DGCR8: variants seen among roughly 807,000 people sequenced by gnomAD.
DGCR8 encodes the protein DGCR8 microprocessor complex subunit, also known as microprocessor complex subunit DGCR8.
Under a neutral mutation model 78.5 loss-of-function variants are expected in DGCR8, and 14 were observed. The ratio of observed to expected loss-of-function variants is 0.18; its 90% CI spans 0.12 to 0.28. DGCR8 has a LOEUF of 0.28. Among genes scored for constraint, DGCR8 ranks in the 10% least tolerant of loss-of-function variants. The pLI is 1.00. For missense variants in DGCR8, 702 were observed against 1,022.5 expected (o/e 0.69, Z 4.28); for synonymous variants, 399 against 402.4 (o/e 0.99, Z 0.10).
At position 20,087,072 on chromosome 22, in the gene DGCR8, C is replaced by A; in HGVS notation, c.721-90C>A. On this transcript the variant is annotated intron_variant, in intron 2 of 13. Transcript: ENST00000351989. The surrounding 1 kb of genome is among the most constrained non-coding windows in gnomAD (Gnocchi z 4.1). ...TAGGCCCCCTGAGAGCACCTCCTTT[C>A]TGTGTCTGTTCTCAGGAATGCTGTT... 1 of 1,495,432 alleles carries A rather than the reference C, an allele frequency of 6.7e-7. No homozygotes were observed. Among genetic ancestry groups the A allele is most frequent in the Non-Finnish European group, 9.0e-7 (1 of 1,109,934 alleles). The allele number at this position is 1,495,432 out of a possible 1,614,324, so 92.6% of individuals were successfully genotyped here.
At position 20,086,267 on chromosome 22, in the gene DGCR8, G is replaced by A; in HGVS notation, c.304G>A (p.Ala102Thr). The A allele has an allele frequency of 1.9e-6, 3 of 1,614,158 alleles. No individual in the cohort carries two copies. Among genetic ancestry groups the A allele is most frequent in the Admixed American group, 1.7e-5 (1 of 60,026 alleles). ...SGHSPRTARH[A>T]PAVRKFSPDL... ...CCACAGCCCGCGCACCGCCCGGCACGCACCTGCGGTCCGGAAGTTCTCCCC... is the reference window on the plus strand; with the variant it reads ...CCACAGCCCGCGCACCGCCCGGCACACACCTGCGGTCCGGAAGTTCTCCCC... Residue 102 changes from alanine (A) to threonine (T), a missense_variant, in exon 2 of 14, where the codon GCA (alanine) becomes ACA (threonine). Physicochemically the swap from Ala to Thr is moderately conservative, Grantham distance 58. Transcript: ENST00000351989. The surrounding 1 kb of genome is among the most constrained non-coding windows in gnomAD (Gnocchi z 6.4).
chr22:20,109,101 C>T (rs767931020), intron 13 of DGCR8, 98 bp downstream of exon 13: 3 of 686,314 alleles, frequency 4.4e-6, no homozygotes, highest in African/African-American at 1.8e-5. Flanking sequence ...TGAGCTGACA[C>T]CTTGGAAATG....
Position 20,089,922 on chromosome 22 carries a change from T to C in DGCR8, c.1024-54T>C. 6.3e-7 allele frequency: 1 copy of C among 1,586,888 alleles called. No individual in the cohort carries two copies. The highest frequency in any genetic ancestry group is 8.6e-7 in the Non-Finnish European group (1 of 1,164,626). Reference sequence around the variant, plus strand: ...CAGAGGCCGGTGAAAGGCATCAGAGTTTCAGACTCTCGGGTTGTCCTTGTA... The same window carrying C: ...CAGAGGCCGGTGAAAGGCATCAGAGCTTCAGACTCTCGGGTTGTCCTTGTA... On this transcript the variant is annotated intron_variant, in intron 4 of 13. Transcript: ENST00000351989. The surrounding 1 kb of genome is among the most constrained non-coding windows in gnomAD (Gnocchi z 4.9).
intron 3 of DGCR8, among the ~76,000 whole-genome samples, chr22:20,088,808 A>AT (rs906008618): frequency 4.8e-4 from 72 of 149,592 alleles, no homozygotes; most frequent in Middle Eastern, 3.4e-3. Context: ...CTGTTTTTTA[A>AT]TTTTTTTTTT....
chr22:20,088,638 C>A (rs571584351), intron 3 of DGCR8, among the ~76,000 whole-genome samples: 1 of 152,310 alleles, frequency 6.6e-6, no homozygotes, highest in African/African-American at 2.4e-5. Context: ...TGTGCATGCA[C>A]CCCTGACCTT....
chr22:20,109,142 G>C (rs977517076), intron 13 of DGCR8, 139 bp downstream of exon 13: 1 of 582,968 alleles, frequency 1.7e-6, no homozygotes, highest in Non-Finnish European at 3.1e-6. Flanking sequence ...TCAGATACAG[G>C]CTTTTCTTTG....
intron 1 of DGCR8, among the ~76,000 whole-genome samples, chr22:20,081,116 C>A (rs947845847): frequency 6.6e-6 from 1 of 152,222 alleles, no homozygotes; most frequent in Non-Finnish European, 1.5e-5. Flanking sequence ...GAATGGCCAG[C>A]CCGGGGTACC....
At position 20,086,635 on chromosome 22, in the gene DGCR8, C is replaced by G; in HGVS notation, c.672C>G (p.Ile224Met). Residue 224 changes from isoleucine to methionine, a missense_variant, in exon 2 of 14, where the codon ATC (isoleucine) becomes ATG (methionine). Coordinates refer to ENST00000351989, the MANE Select transcript of DGCR8 (RefSeq NM_022720.7). The surrounding 1 kb of genome is among the most constrained non-coding windows in gnomAD (Gnocchi z 6.4). Reference sequence around the variant, plus strand: ...CAGGCGGGTTCACGGCTAAAGCAATCGTTCAGAGAGACAGAGTGGATGAAG... The same window carrying G: ...CAGGCGGGTTCACGGCTAAAGCAATGGTTCAGAGAGACAGAGTGGATGAAG... Reference protein sequence around the residue: ...EGAGGFTAKAIVQRDRVDEEA... With the variant: ...EGAGGFTAKAMVQRDRVDEEA... The G allele has an allele frequency of 6.2e-7, 1 of 1,611,574 alleles. No homozygotes were observed.
rs1161186398 is a variant in DGCR8, at chr22:20,086,819, T to C, written c.720+136T>C. 1 of 1,068,186 alleles carries C rather than the reference T, an allele frequency of 9.4e-7. No individual in the cohort carries two copies. Among genetic ancestry groups the C allele is most frequent in the East Asian group, 2.4e-5 (1 of 41,088 alleles). 66.2% of individuals were successfully genotyped at this position (1,068,186 alleles called of 1,614,324 possible). A position where few individuals can be genotyped will look rare whatever the true frequency, so the allele number is the denominator to read the frequency against. On this transcript the variant is annotated intron_variant, in intron 2 of 13. Coordinates refer to ENST00000351989, the MANE Select transcript of DGCR8 (RefSeq NM_022720.7). The surrounding 1 kb of genome is among the most constrained non-coding windows in gnomAD (Gnocchi z 6.4). The stretch of plus-strand genomic sequence containing the variant: ...CAAAATCCCCTCTGAGGTGGAATAA[T>C]GTTAATGTGGAGAAGAGAAAGATGT...
In DGCR8 at chr22:20,110,132, C is replaced by T. The variant is rs762122337; in HGVS notation, c.*24C>T. ...GAGGGAGGTGGCACGGGCCAGGGCG[C>T]GGGGGCCGCCAGCCGCACTTCTGAG... On this transcript the variant is annotated 3_prime_UTR_variant, in exon 14 of 14. Coordinates refer to ENST00000351989, the MANE Select transcript of DGCR8 (RefSeq NM_022720.7). 23 of 1,599,962 alleles carry T rather than the reference C, an allele frequency of 1.4e-5. No homozygotes were observed. Among genetic ancestry groups the T allele is most frequent in the Admixed American group, 5.0e-5 (3 of 59,918 alleles).
intron 8 of DGCR8, 55 bp from the exon 9 acceptor site, chr22:20,094,658 G>A: frequency 6.7e-7 from 1 of 1,495,250 alleles, no homozygotes; most frequent in East Asian, 2.3e-5. Flanking sequence ...ACTCTGCAGG[G>A]TGGTGAGAAG....
At chr22:20,080,453 C>T (rs11912339) in intron 1 of DGCR8, 70 bp downstream of exon 1, 3 of 981,672 alleles carry the variant, frequency 3.1e-6, no homozygotes, top group African/African-American at 3.5e-5. Flanking sequence ...AGGGCGCGCC[C>T]TTCCCTCCCG....
At chr22:20,105,794 A>G (rs8139591) in intron 9 of DGCR8, among the ~76,000 whole-genome samples, 20,004 of 152,190 alleles carry the variant, frequency 0.13, 1,709 homozygotes, top group Non-Finnish European at 0.19. Context: ...CTGTAGTCTC[A>G]GTTGTGGCAA....
At position 20,107,257 on chromosome 22, in the gene DGCR8, CT is replaced by C; in HGVS notation, c.1997-11del. 6.2e-7 allele frequency: 1 copy of C among 1,614,112 alleles called. No homozygotes were observed. Among genetic ancestry groups the C allele is most frequent in the South Asian group, 1.1e-5 (1 of 91,082 alleles). ...TTGTGACCCCCTCTCCATGCTTGCT[CT>C]TTCTCTGTGTAGGTAAGAACAAGAG... On this transcript the variant is annotated splice_polypyrimidine_tract_variant and intron_variant, in intron 11 of 13. Coordinates refer to ENST00000351989, the MANE Select transcript of DGCR8 (RefSeq NM_022720.7).
intron 1 of DGCR8, 183 bp downstream of exon 1, chr22:20,080,566 T>G: frequency 3.3e-5 from 24 of 727,910 alleles, no homozygotes; most frequent in Non-Finnish European, 4.0e-5. Context: ...TGGGGACGCC[T>G]CCGGGGCTGG....
chr22:20,091,874 G>T lies in DGCR8; in HGVS notation c.1510G>T (p.Val504Phe), dbSNP rs1369740537. The T allele has an allele frequency of 6.2e-7, 1 of 1,613,928 alleles. No homozygotes were observed. Among genetic ancestry groups the T allele is most frequent in the Non-Finnish European group, 8.5e-7 (1 of 1,179,958 alleles). The change falls in exon 7 of 14, where the codon GTT becomes TTT. Residue 504 changes from valine to phenylalanine, a missense_variant. By Grantham distance (50) the Val-to-Phe change is conservative (BLOSUM62 -1). Coordinates refer to ENST00000351989, the MANE Select transcript of DGCR8 (RefSeq NM_022720.7). Reference protein sequence around the residue: ...VQDAPTKKEFVINPNGKSEVC... With the variant: ...VQDAPTKKEFFINPNGKSEVC... ...GATGGTTCTTTTTGTCACAGAGTTT[G>T]TTATTAACCCCAACGGGAAATCCGA...
At position 20,089,622 on chromosome 22, in the gene DGCR8, C is replaced by G; in HGVS notation, c.881-47C>G. The G allele has an allele frequency of 6.2e-7, 1 of 1,603,888 alleles. No homozygotes were observed. The highest frequency in any genetic ancestry group is 1.1e-5 in the South Asian group (1 of 90,568). On this transcript the variant is annotated intron_variant, in intron 3 of 13. Transcript: ENST00000351989. The surrounding 1 kb of genome is among the most constrained non-coding windows in gnomAD (Gnocchi z 4.9). ...GCAGGAGGTGCTGTGGCAACAATTC[C>G]AAGTGTTTTTACAGTGATTATAGGA...
At chr22:20,091,037 G>A (rs929327588) in intron 5 of DGCR8, among the ~76,000 whole-genome samples, 1 of 152,194 alleles carries the variant, frequency 6.6e-6, no homozygotes, top group Admixed American at 6.5e-5. Flanking sequence ...CTACAGAGGT[G>A]GCCAGGATGG....
At chr22:20,088,973 C>T (rs868097093) in intron 3 of DGCR8, among the ~76,000 whole-genome samples, 1 of 152,126 alleles carries the variant, frequency 6.6e-6, no homozygotes, top group South Asian at 2.1e-4. Flanking sequence ...TTTGTAGAGT[C>T]AGGGTCTTGC....
Sources: allele counts gnomAD v4.1 joint callset (sites outside exome capture counted in the v4.1 genomes callset), GRCh38; gene constraint gnomAD v4.1.1; non-coding constraint Gnocchi (gnomAD v3.1); transcripts MANE v1.5; gene names NCBI Gene and HGNC (gene_info 2026-07-23, HGNC 2026-07-21).